The following CDH26 variants were observed in gnomAD, a reference collection of about 807,000 sequenced individuals.
The protein encoded by CDH26 is cadherin 26.
Under a neutral mutation model 90.3 loss-of-function variants are expected in CDH26, and 83 were observed. The observed-to-expected ratio is 0.92, with a 90% CI of 0.77 to 1.10. The LOEUF is 1.10. CDH26 is among the 50% of genes least tolerant of loss of function. The probability of loss-of-function intolerance (pLI) is 0.00; values close to 1 mark genes in which losing one functional copy is unlikely to be tolerated. For synonymous variants in CDH26, 397 were observed against 396.3 expected, an observed-to-expected ratio of 1.00 and a Z score of -0.02; for missense variants, 1,013 against 1,037.6, an observed-to-expected ratio of 0.98 and a Z score of 0.33.
chr20:60,011,897 C>G (rs2061848486), intron 17 of CDH26, among the ~76,000 whole-genome samples: 1 of 151,934 alleles, frequency 6.6e-6, no homozygotes, highest in African/African-American at 2.4e-5. Context: ...TAGGGAGTGT[C>G]ACAGAGAGAG....
Position 60,029,330 on chromosome 20 carries a change from C to A in CDH26, c.948-1901C>A, listed in dbSNP as rs977632075. On this transcript the variant is annotated intron_variant, in intron 7 of 8. Coordinates refer to the CDH26 transcript ENST00000370991. ...AGCATCTATAGTCAACAACATAGCA[C>A]CTATAGTCAACAACGTAGCACCTAT... is the stretch of plus-strand genomic sequence containing the variant. Among the ~76,000 whole-genome samples the A allele has an allele frequency of 2.2e-4, 32 of 148,562 alleles. 1 individual carries two copies. Among genetic ancestry groups the A allele is most frequent in the African/African-American group, 7.1e-4 (29 of 40,934 alleles).
chr20:59,972,250 C>A (rs900954849), intron 4 of CDH26, 127 bp downstream of exon 4: 7 of 828,428 alleles, frequency 8.4e-6, no homozygotes, highest in African/African-American at 6.9e-5. Context: ...TGCCTTGTGA[C>A]AAGCTTTACG....
At chr20:59,973,137 A>G (rs989190131) in intron 4 of CDH26, among the ~76,000 whole-genome samples, 13 of 152,212 alleles carry the variant, frequency 8.5e-5, no homozygotes, top group African/African-American at 2.2e-4. Context: ...TCAATCTTTC[A>G]TGAGCAAACA....
chr20:59,977,134 C>T (rs1234509299), intron 4 of CDH26, among the ~76,000 whole-genome samples: 2 of 152,246 alleles, frequency 1.3e-5, no homozygotes, highest in Admixed American at 6.5e-5. Flanking sequence ...AGGGCTTCCG[C>T]GGGGATGAGC....
Position 60,012,684 on chromosome 20 carries a change from C to A in CDH26, c.2453C>A (p.Ala818Glu). ...PDLLDSLGSK[A>E]TPFEEIYSES... ...TTGCTGGACTCTTTGGGTTCAAAAG[C>A]GACTCCGTTTGAGGAAATATATTCA... The change falls in exon 18 of 18, where the codon GCG becomes GAG. Residue 818 changes from alanine to glutamate, a missense_variant. Ala to Glu is a moderately radical substitution (Grantham distance 107). Transcript: ENST00000348616. 6.2e-7 allele frequency: 1 copy of A among 1,613,890 alleles called. No individual in the cohort carries two copies. The highest frequency in any genetic ancestry group is 8.5e-7 in the Non-Finnish European group (1 of 1,179,976).
Position 59,986,684 on chromosome 20 carries a change from C to T in CDH26, c.838-769C>T, listed in dbSNP as rs6015612. Among the ~76,000 whole-genome samples, 857 of 151,294 alleles carry T rather than the reference C, an allele frequency of 5.7e-3. 9 individuals carry two copies. Among genetic ancestry groups the T allele is most frequent in the African/African-American group, 0.02 (806 of 41,130 alleles). On this transcript the variant is annotated intron_variant, in intron 7 of 17. Transcript: ENST00000348616. ...ACTCAGCTCTCAGCTCCATCAAGGA[C>T]GGAATTTTTGCCTGTCTTGTTCATG...
intron 1 of CDH26, among the ~76,000 whole-genome samples, chr20:59,967,911 T>C (rs2061186300): frequency 1.1e-5 from 1 of 93,280 alleles, no homozygotes; most frequent in African/African-American, 5.0e-5. Context: ...CTTCCTTCCT[T>C]TCCTTTCCTT....
intron 4 of CDH26, 150 bp downstream of exon 4, chr20:59,972,273 A>G: frequency 1.4e-6 from 1 of 703,078 alleles, no homozygotes; most frequent in Non-Finnish European, 2.4e-6. Context: ...TATGCCTGAG[A>G]CTTTTGTAAT....
At chr20:59,960,804 C>A (rs1403789444) in intron 1 of CDH26, among the ~76,000 whole-genome samples, 1 of 152,212 alleles carries the variant, frequency 6.6e-6, no homozygotes, top group East Asian at 1.9e-4. Flanking sequence ...TCTTAGAGAG[C>A]CTCTGTCTAC....
chr20:59,967,788 C>G (rs1356247668), intron 1 of CDH26, among the ~76,000 whole-genome samples: 6 of 131,048 alleles, frequency 4.6e-5, no homozygotes, highest in Admixed American at 7.9e-5. Flanking sequence ...CTCCTTCCTT[C>G]CTTCCCTCCC....
intron 1 of CDH26, 68 bp downstream of exon 1, chr20:59,958,863 C>T: frequency 3.3e-6 from 5 of 1,499,816 alleles, no homozygotes; most frequent in Non-Finnish European, 4.5e-6. Context: ...CTGGCCCTGC[C>T]CCTTCTAGGC....
intron 12 of CDH26, 128 bp from the exon 13 acceptor site, chr20:59,996,502 AG>A: frequency 6.2e-7 from 1 of 1,613,148 alleles, no homozygotes; most frequent in Non-Finnish European, 8.5e-7. Context: ...ATAGCTACAC[AG>A]ATGACTAAGA....
intron 7 of CDH26, among the ~76,000 whole-genome samples, chr20:60,026,577 C>G (rs1389058022): frequency 1.3e-5 from 2 of 152,174 alleles, no homozygotes; most frequent in Non-Finnish European, 2.9e-5. Flanking sequence ...CCCCTCACCC[C>G]ACTGGTGATT....
rs751169798 is a variant in CDH26 at position 59,987,611 on chromosome 20, C to A, written c.996C>A (p.Thr332=). ...GHFDISTDPE[T]NEGILNVIKP... is the part of the protein sequence containing the mutation. ...TTGACATTTCGACTGACCCTGAGACCAACGAAGGGATATTAAATGTTATCA... is the reference window on the plus strand; with the variant it reads ...TTGACATTTCGACTGACCCTGAGACAAACGAAGGGATATTAAATGTTATCA... Residue 332 remains threonine (T), a synonymous_variant, in exon 8 of 18, where the codon ACC becomes ACA. Transcript: ENST00000348616. 1.6e-5 allele frequency: 25 copies of A among 1,612,700 alleles called. No individual in the cohort carries two copies. The African/African-American group carries it at 2.7e-4, about 17-fold the overall frequency.
rs990440142 is a variant in CDH26 at position 59,999,630 on chromosome 20, C to T, written c.2064C>T (p.Cys688=). Residue 688 remains cysteine, a synonymous_variant, in exon 14 of 18, where the codon TGC becomes TGT. Coordinates refer to ENST00000348616, the MANE Select transcript of CDH26 (RefSeq NM_177980.4). ...VEGQRPALLI[C]TAAAGPTQGV... is the part of the protein sequence containing the mutation. ...GCCAGAGGCCGGCTCTGCTCATCTG[C>T]ACAGCTGCAGCAGGACCCACGCAGG... 1 of 1,614,152 alleles carries T rather than the reference C, an allele frequency of 6.2e-7. No homozygotes were observed. The highest frequency in any genetic ancestry group is 8.5e-7 in the Non-Finnish European group (1 of 1,179,992).
chr20:59,990,002 C>G (rs1253209335), intron 9 of CDH26, among the ~76,000 whole-genome samples: 1 of 152,212 alleles, frequency 6.6e-6, no homozygotes, highest in Non-Finnish European at 1.5e-5. Context: ...AACAGAAACT[C>G]TGTCTCCATT....
intron 13 of CDH26, among the ~76,000 whole-genome samples, chr20:59,997,088 C>T (rs2061607829): frequency 6.6e-6 from 1 of 152,214 alleles, no homozygotes; most frequent in Non-Finnish European, 1.5e-5. Flanking sequence ...GCCTACAACG[C>T]ACAAGACAGC....
At chr20:59,973,069 T>G (rs1381596961) in intron 4 of CDH26, among the ~76,000 whole-genome samples, 1 of 152,220 alleles carries the variant, frequency 6.6e-6, no homozygotes, top group Non-Finnish European at 1.5e-5. Flanking sequence ...AAGAAGGACT[T>G]TTAACAGTGC....
At position 60,030,855 on chromosome 20, in the gene CDH26, A is replaced by G. The variant is rs1447285573; in HGVS notation, c.948-376A>G. On this transcript the variant is annotated intron_variant, in intron 7 of 8. Coordinates refer to the CDH26 transcript ENST00000370991. The surrounding 1 kb of genome is among the most constrained non-coding windows in gnomAD (Gnocchi z 4.0). ...CCTTGGACAATTACCTGCACCAGTG[A>G]ATTCACTTTTGTGCTTGATTCAAGT... is the stretch of plus-strand genomic sequence containing the variant. Among the ~76,000 whole-genome samples the G allele has an allele frequency of 6.6e-6, 1 of 152,246 alleles. No individual in the cohort carries two copies. The highest frequency in any genetic ancestry group is 1.5e-5 in the Non-Finnish European group (1 of 68,048).
Sources: gnomAD v4.1 joint callset for allele counts (sites outside exome capture counted in the v4.1 genomes callset) on GRCh38, gnomAD v4.1.1 for gene constraint, Gnocchi (gnomAD v3.1) non-coding constraint, MANE v1.5 for transcripts, NCBI Gene and HGNC (gene_info 2026-07-23, HGNC 2026-07-21) for gene names.